Variants in TTBK2 observed in about 807,000 individuals in gnomAD.
TTBK2 encodes the protein tau tubulin kinase 2, also known as tau-tubulin kinase 2.
Under a neutral mutation model 110.8 loss-of-function variants are expected in TTBK2, and 28 were observed. That is an observed-to-expected ratio of 0.25 (90% CI 0.19 to 0.35). The LOEUF is 0.35. TTBK2 is among the 10% of genes least tolerant of loss of function. The probability of loss-of-function intolerance (pLI) is 1.00; values close to 1 mark genes in which losing one functional copy is unlikely to be tolerated. For missense variants in TTBK2, 1,369 were observed against 1,500.3 expected (o/e 0.91, Z 1.45); for synonymous variants, 532 against 527.3 (o/e 1.01, Z -0.12).
chr15:42,825,960 C>A (rs567230674), intron 6 of TTBK2, among the ~76,000 whole-genome samples: 6 of 151,964 alleles, frequency 3.9e-5, no homozygotes, highest in African/African-American at 1.5e-4. Context: ...AGATGGAGGC[C>A]AGTGATGTTT....
At chr15:42,763,112 A>ATG (rs2062059190) in intron 13 of TTBK2, among the ~76,000 whole-genome samples, 1 of 115,746 alleles carries the variant, frequency 8.6e-6, no homozygotes, top group East Asian at 2.5e-4. Flanking sequence ...ACGTATATAT[A>ATG]TATATACACA....
At chr15:42,897,823 TACACACACACACACACACACACAC>T (rs60880098) in intron 1 of TTBK2, among the ~76,000 whole-genome samples, 16 of 140,762 alleles carry the variant, frequency 1.1e-4, no homozygotes, top group African/African-American at 4.2e-4. Flanking sequence ...CCAGTAGTGG[TACACACACACACACACACACACAC>T]ACACACACAC....
intron 10 of TTBK2, among the ~76,000 whole-genome samples, chr15:42,792,896 A>T (rs55927779): frequency 0.15 from 22,151 of 152,174 alleles, 1,921 homozygotes; most frequent in Admixed American, 0.24. Flanking sequence ...ATATTGGAAG[A>T]TGGGAACATA....
chr15:42,777,362 A>T, intron 11 of TTBK2, 120 bp from the exon 12 acceptor site: 1 of 1,091,384 alleles, frequency 9.2e-7, no homozygotes, highest in Non-Finnish European at 1.3e-6. Flanking sequence ...GATGATTAGG[A>T]TATTTTGGCT....
chr15:42,849,780 A>G (rs992496886), intron 3 of TTBK2, among the ~76,000 whole-genome samples: 9 of 152,170 alleles, frequency 5.9e-5, no homozygotes, highest in African/African-American at 1.9e-4. Flanking sequence ...CCATAATTCA[A>G]TTCTCAAAGT....
At chr15:42,787,891 A>T (rs1300277571) in intron 10 of TTBK2, among the ~76,000 whole-genome samples, 1 of 152,182 alleles carries the variant, frequency 6.6e-6, no homozygotes, top group African/African-American at 2.4e-5. Context: ...CATTATCCAA[A>T]TGATCACAGC....
intron 1 of TTBK2, among the ~76,000 whole-genome samples, chr15:42,906,672 G>C (rs2030418178): frequency 6.6e-6 from 1 of 152,078 alleles, no homozygotes; most frequent in South Asian, 2.1e-4. Flanking sequence ...GGCAAAAATA[G>C]ATAATTGGGA....
intron 7 of TTBK2, among the ~76,000 whole-genome samples, chr15:42,812,886 G>GA (rs752524528): frequency 7.3e-5 from 11 of 149,942 alleles, no homozygotes; most frequent in Non-Finnish European, 1.5e-4. Context: ...AAACACAGCA[G>GA]AAAAAAATCA....
chr15:42,825,375 A>AAT (rs2140972992), intron 6 of TTBK2, among the ~76,000 whole-genome samples: 1 of 152,332 alleles, frequency 6.6e-6, no homozygotes, highest in East Asian at 1.9e-4. Flanking sequence ...TGCACTGGGT[A>AAT]ATATGATAGC....
rs563733165 is a variant in TTBK2 at position 42,887,442 on chromosome 15, C to T, written c.-67-8758G>A. 2.6e-5 allele frequency among the ~76,000 whole-genome samples: 4 copies of T among 152,234 alleles called. No homozygotes were observed. The East Asian group carries it at 7.7e-4, about 29-fold the overall frequency. On this transcript the variant is annotated intron_variant, in intron 1 of 14. Coordinates refer to ENST00000267890, the MANE Select transcript of TTBK2 (RefSeq NM_173500.4). ...GCCATCCCATTAAAACCTAATCACCCTTACCCCGCTCAACGCCAATATCCC... is the reference window on the plus strand; with the variant it reads ...GCCATCCCATTAAAACCTAATCACCTTTACCCCGCTCAACGCCAATATCCC...
intron 6 of TTBK2, among the ~76,000 whole-genome samples, chr15:42,817,807 G>C (rs1892102773): frequency 6.6e-6 from 1 of 152,096 alleles, no homozygotes; most frequent in Admixed American, 6.5e-5. Flanking sequence ...TTTGGTTTTA[G>C]CTCAAAACAG....
intron 10 of TTBK2, among the ~76,000 whole-genome samples, chr15:42,789,795 GTATT>G (rs1276531451): frequency 1.3e-5 from 2 of 150,552 alleles, no homozygotes; most frequent in South Asian, 2.1e-4. Context: ...GTGTGTGTAA[GTATT>G]TATACATCAT....
chr15:42,802,669 A>C lies in TTBK2; in HGVS notation c.823-7868T>G, dbSNP rs531027683. On this transcript the variant is annotated intron_variant, in intron 9 of 14. Coordinates refer to ENST00000267890, the MANE Select transcript of TTBK2 (RefSeq NM_173500.4). ...GGGTGTCACATAGCAACGGGGATACATTCTGAGAAATGTGTCGACAGGCAT... is the reference window on the plus strand; with the variant it reads ...GGGTGTCACATAGCAACGGGGATACCTTCTGAGAAATGTGTCGACAGGCAT... Among the ~76,000 whole-genome samples, 3 of 152,206 alleles carry C rather than the reference A, an allele frequency of 2.0e-5. No individual in the cohort carries two copies. The South Asian group carries it at 6.2e-4, about 31-fold the overall frequency.
At chr15:42,915,057 C>T (rs2031003801) in intron 1 of TTBK2, among the ~76,000 whole-genome samples, 1 of 152,242 alleles carries the variant, frequency 6.6e-6, no homozygotes, top group African/African-American at 2.4e-5. Context: ...AGGAATGAGG[C>T]TACTGTTACA....
In TTBK2 at chr15:42,865,235, A is replaced by G. The variant is rs372426576; in HGVS notation, c.217+7376T>C. Among the ~76,000 whole-genome samples the G allele has an allele frequency of 3.0e-4, 45 of 152,204 alleles. No homozygotes were observed. The Middle Eastern group carries it at 0.01, about 35-fold the overall frequency. On this transcript the variant is annotated intron_variant, in intron 3 of 14. Transcript: ENST00000267890. Reference sequence around the variant, plus strand: ...GGTGGGTCAATTGATGGAGGTCAGGAGTTAGACCAGCCTGGCCAACATGAA... The same window carrying G: ...GGTGGGTCAATTGATGGAGGTCAGGGGTTAGACCAGCCTGGCCAACATGAA...
At chr15:42,756,596 A>G (rs1410956408) in intron 13 of TTBK2, among the ~76,000 whole-genome samples, 1 of 152,136 alleles carries the variant, frequency 6.6e-6, no homozygotes, top group Non-Finnish European at 1.5e-5. Context: ...AAAACAAAAC[A>G]AACAAACAAA....
chr15:42,799,507 C>A (rs532737021), intron 9 of TTBK2, among the ~76,000 whole-genome samples: 1 of 152,182 alleles, frequency 6.6e-6, no homozygotes, highest in Non-Finnish European at 1.5e-5. Context: ...GATCTCAGCT[C>A]ACTGCAACCT....
Position 42,754,809 on chromosome 15 carries a change from G to A in TTBK2, c.1999-1562C>T, listed in dbSNP as rs532425375. ...AGACCACCTGAGGTCGGGAGTTCGA[G>A]ACCAGCCTGGCCAACATGGTGAAAC... On this transcript the variant is annotated intron_variant, in intron 13 of 14. Transcript: ENST00000267890. 1.4e-4 allele frequency among the ~76,000 whole-genome samples: 20 copies of A among 143,954 alleles called. No individual in the cohort carries two copies. In the South Asian group the frequency reaches 2.7e-3, roughly 20 times the overall value. 94.4% of individuals were successfully genotyped at this position (143,954 alleles called of 152,430 possible).
At chr15:42,805,147 AAC>A (rs1891405878) in intron 9 of TTBK2, among the ~76,000 whole-genome samples, 1 of 152,198 alleles carries the variant, frequency 6.6e-6, no homozygotes, top group African/African-American at 2.4e-5. Flanking sequence ...ATGTTAACAA[AAC>A]ACAGTCCTGT....
Sources: allele counts gnomAD v4.1 joint callset (sites outside exome capture counted in the v4.1 genomes callset), GRCh38; gene constraint gnomAD v4.1.1; transcripts MANE v1.5; gene names NCBI Gene and HGNC (gene_info 2026-07-23, HGNC 2026-07-21).